The following PHC2 variants were observed in gnomAD, a reference collection of about 807,000 sequenced individuals.
PHC2 encodes polyhomeotic-like protein 2.
Under a neutral mutation model 87.4 loss-of-function variants are expected in PHC2, and 29 were observed. That is an observed-to-expected ratio of 0.33 (90% CI 0.25 to 0.45). PHC2 has a LOEUF of 0.45. Among genes scored for constraint, PHC2 ranks in the 20% least tolerant of loss-of-function variants. The probability of loss-of-function intolerance (pLI) is 1.00; values close to 1 mark genes in which losing one functional copy is unlikely to be tolerated. For synonymous variants in PHC2, 438 were observed against 461.7 expected, an observed-to-expected ratio of 0.95 and a Z score of 0.66; for missense variants, 857 against 1,136.7, an observed-to-expected ratio of 0.75 and a Z score of 3.54.
In PHC2 at chr1:33,349,795, C is replaced by G. The variant is rs1339099487; in HGVS notation, c.1558+4606G>C. 80 of 977,262 alleles carry G rather than the reference C, an allele frequency of 8.2e-5. No individual in the cohort carries two copies. Among genetic ancestry groups the G allele is most frequent in the Non-Finnish European group, 9.0e-5 (74 of 825,614 alleles). The allele number at this position is 977,262 out of a possible 1,614,324, so 60.5% of individuals were successfully genotyped here. ...AACAAAGGGCGGCCGGGGCGCGAGG[C>G]CGGGACGGGGGCGCGAGGCCGGGGC... On this transcript the variant is annotated intron_variant, in intron 9 of 14. Coordinates refer to ENST00000683057, the MANE Select transcript of PHC2 (RefSeq NM_001385109.1). The surrounding 1 kb of genome is among the most constrained non-coding windows in gnomAD (Gnocchi z 4.2).
At chr1:33,411,544 T>C (rs1471926408) in intron 1 of PHC2, among the ~76,000 whole-genome samples, 2 of 151,880 alleles carry the variant, frequency 1.3e-5, no homozygotes, top group Non-Finnish European at 2.9e-5. Flanking sequence ...AAAGTGATCA[T>C]ATGATCATCT....
chr1:33,382,403 C>A lies in PHC2; in HGVS notation c.-54-6810G>T, dbSNP rs567166337. The stretch of plus-strand genomic sequence containing the variant: ...CTAGGCTTTCAGTATTCTACCCACC[C>A]CTTTTCAATTTCCTTTTAATTCCTA... On this transcript the variant is annotated intron_variant, in intron 1 of 14. Transcript: ENST00000683057. This position sits in a 1 kb window ranked among gnomAD's most constrained non-coding sequence, Gnocchi z 4.3. Among the ~76,000 whole-genome samples, 1 of 152,222 alleles carries A rather than the reference C, an allele frequency of 6.6e-6. No homozygotes were observed. Among genetic ancestry groups the A allele is most frequent in the East Asian group, 1.9e-4 (1 of 5,182 alleles).
At chr1:33,370,937 TCAC>T in intron 4 of PHC2, 77 bp downstream of exon 4, 1 of 1,142,384 alleles carries the variant, frequency 8.8e-7, no homozygotes, top group South Asian at 1.2e-5. Context: ...GGCCACGGAT[TCAC>T]CACAACTGGG....
At chr1:33,429,469 A>G (rs1206212185) in intron 1 of PHC2, among the ~76,000 whole-genome samples, 3 of 151,994 alleles carry the variant, frequency 2.0e-5, no homozygotes, top group African/African-American at 7.3e-5. Context: ...GTCCTTTCCA[A>G]TTTTCTCTGC....
intron 7 of PHC2, among the ~76,000 whole-genome samples, chr1:33,357,851 T>G (rs557135595): frequency 6.9e-4 from 105 of 152,296 alleles, no homozygotes; most frequent in Non-Finnish European, 6.2e-4. Context: ...CTTTTTCTCC[T>G]GTAATGCAAA....
intron 1 of PHC2, among the ~76,000 whole-genome samples, chr1:33,427,728 T>C (rs1471992848): frequency 6.6e-6 from 1 of 152,284 alleles, no homozygotes; most frequent in Non-Finnish European, 1.5e-5. Flanking sequence ...TCTTGACTTC[T>C]GTGATACTAC....
At position 33,378,954 on chromosome 1, in the gene PHC2, C is replaced by T. The variant is rs540869480; in HGVS notation, c.-54-3361G>A. ...AAAAAGCCAAAGTCATCATTAATGT[C>T]CTGTTGCTATCTCCCCAGTACTGCT... On this transcript the variant is annotated intron_variant, in intron 1 of 14. Coordinates refer to ENST00000683057, the MANE Select transcript of PHC2 (RefSeq NM_001385109.1). Among the ~76,000 whole-genome samples, 23 of 152,124 alleles carry T rather than the reference C, an allele frequency of 1.5e-4. No individual in the cohort carries two copies. In the South Asian group the frequency reaches 1.7e-3, roughly 11 times the overall value.
rs1553186439 is a variant in PHC2, at chr1:33,364,410, A to ACACACACACG, written c.976+2705_976+2706insCGTGTGTGTG. 4.7e-5 allele frequency among the ~76,000 whole-genome samples: 7 copies of ACACACACACG among 149,926 alleles called. No individual in the cohort carries two copies. The highest frequency in any genetic ancestry group is 4.2e-4 in the South Asian group (2 of 4,756). On this transcript the variant is annotated intron_variant, in intron 7 of 14. Coordinates refer to ENST00000683057, the MANE Select transcript of PHC2 (RefSeq NM_001385109.1). The surrounding 1 kb of genome is among the most constrained non-coding windows in gnomAD (Gnocchi z 4.1). ...TGCTTTCACACACACACACACACAC[A>ACACACACACG]CACACACACACACACGCTCAAGCAC...
chr1:33,385,640 T>C (rs1023557104), intron 1 of PHC2, among the ~76,000 whole-genome samples: 6 of 152,156 alleles, frequency 3.9e-5, no homozygotes, highest in Admixed American at 1.3e-4. Flanking sequence ...AAAGATACTA[T>C]CATTTCCTTC....
At chr1:33,385,379 C>T (rs1026091025) in intron 1 of PHC2, among the ~76,000 whole-genome samples, 1 of 152,210 alleles carries the variant, frequency 6.6e-6, no homozygotes, top group Non-Finnish European at 1.5e-5. Context: ...AGGGGAGAGA[C>T]GTTCTACTCC....
At chr1:33,371,602 C>T (rs979134569) in intron 3 of PHC2, among the ~76,000 whole-genome samples, 25 of 152,246 alleles carry the variant, frequency 1.6e-4, no homozygotes, top group Non-Finnish European at 1.9e-4. Context: ...GCCCTTCTCC[C>T]CATGGCCGGC....
At chr1:33,398,842 A>G (rs1335117076) in intron 1 of PHC2, among the ~76,000 whole-genome samples, 3 of 152,214 alleles carry the variant, frequency 2.0e-5, no homozygotes, top group Non-Finnish European at 4.4e-5. Context: ...CAGAGGGCAC[A>G]GTTGGCTAAA....
chr1:33,386,377 G>A (rs370784682), intron 1 of PHC2, among the ~76,000 whole-genome samples: 19 of 151,642 alleles, frequency 1.3e-4, no homozygotes, highest in African/African-American at 3.9e-4. Flanking sequence ...TTAGCCGGCC[G>A]TGGTAGTGGG....
intron 7 of PHC2, among the ~76,000 whole-genome samples, chr1:33,362,562 G>A (rs1190965440): frequency 2.6e-5 from 4 of 152,168 alleles, no homozygotes; most frequent in Non-Finnish European, 4.4e-5. Flanking sequence ...GGTATGAACT[G>A]ACAAACTCCT....
intron 9 of PHC2, among the ~76,000 whole-genome samples, chr1:33,338,648 G>T (rs1388556721): frequency 6.6e-6 from 1 of 152,228 alleles, no homozygotes; most frequent in African/African-American, 2.4e-5. Context: ...AGTGAAACTT[G>T]CAGAAACCTG....
In PHC2 at chr1:33,350,612, C is replaced by T. The variant is rs150081722; in HGVS notation, c.1558+3789G>A. On this transcript the variant is annotated intron_variant, in intron 9 of 14. Transcript: ENST00000683057. Reference sequence around the variant, plus strand: ...GAGGCGCAGGAAGGTGCTGGACACACGCCAGGCACTTCTCTCCATTCTTGA... The same window carrying T: ...GAGGCGCAGGAAGGTGCTGGACACATGCCAGGCACTTCTCTCCATTCTTGA... 7.7e-3 allele frequency among the ~76,000 whole-genome samples: 1,169 copies of T among 152,368 alleles called. 48 individuals carry two copies. Among genetic ancestry groups the T allele is most frequent in the Admixed American group, 0.056 (863 of 15,304 alleles).
intron 1 of PHC2, among the ~76,000 whole-genome samples, chr1:33,377,188 T>G (rs1648228617): frequency 6.6e-6 from 1 of 152,210 alleles, no homozygotes; most frequent in African/African-American, 2.4e-5. Flanking sequence ...CAATTAGATG[T>G]GACAGGATAT....
At position 33,372,271 on chromosome 1, in the gene PHC2, G is replaced by A. The variant is rs1384880826; in HGVS notation, c.333+18C>T. 1.3e-6 allele frequency: 2 copies of A among 1,515,402 alleles called. No homozygotes were observed. The highest frequency in any genetic ancestry group is 2.6e-5 in the South Asian group (2 of 77,716). 93.9% of individuals were successfully genotyped at this position (1,515,402 alleles called of 1,614,324 possible). ...CAGGATGCCTGGCACCAGCCTCAAGGTCCTTCCCAAGTCTCACCTGCTGTA... is the reference window on the plus strand; with the variant it reads ...CAGGATGCCTGGCACCAGCCTCAAGATCCTTCCCAAGTCTCACCTGCTGTA... On this transcript the variant is annotated intron_variant, in intron 3 of 14. Transcript: ENST00000683057.
chr1:33,361,122 T>A (rs911780317), intron 7 of PHC2, among the ~76,000 whole-genome samples: 1 of 151,068 alleles, frequency 6.6e-6, no homozygotes, highest in African/African-American at 2.4e-5. Flanking sequence ...GGGGTAGGAG[T>A]GGGAGAGAAG....
Sources: gnomAD v4.1 joint callset for allele counts (sites outside exome capture counted in the v4.1 genomes callset) on GRCh38, gnomAD v4.1.1 for gene constraint, Gnocchi (gnomAD v3.1) non-coding constraint, MANE v1.5 for transcripts, NCBI Gene and HGNC (gene_info 2026-07-23, HGNC 2026-07-21) for gene names.